BOLA1: variants seen among roughly 807,000 people sequenced by gnomAD.
BOLA1 encodes bolA family member 1.
A neutral mutation model predicts 6.6 loss-of-function variants in BOLA1; 6 were observed. The ratio of observed to expected loss-of-function variants is 0.92; its 90% CI spans 0.50 to 1.81. BOLA1 has a LOEUF of 1.81. Ranked by LOEUF, BOLA1 falls within the 40% of genes most tolerant of loss-of-function variation. The probability of loss-of-function intolerance (pLI) is 0.01; values close to 1 mark genes in which losing one functional copy is unlikely to be tolerated. For missense variants in BOLA1, 183 were observed against 186.8 expected, an observed-to-expected ratio of 0.98 and a Z score of 0.12; for synonymous variants, 87 against 85.6, an observed-to-expected ratio of 1.02 and a Z score of -0.09.
rs782315354 is a variant in BOLA1, at chr1:149,900,323, G to T, written c.264G>T (p.Leu88=). 6.2e-7 allele frequency: 1 copy of T among 1,613,456 alleles called. No homozygotes were observed. Among genetic ancestry groups the T allele is most frequent in the Non-Finnish European group, 8.5e-7 (1 of 1,179,952 alleles). Residue 88 remains leucine, a synonymous_variant, in exon 2 of 2, where the codon CTG becomes CTT. Transcript: ENST00000369152. The stretch of plus-strand genomic sequence containing the variant: ...TGAGCCCCCTACAACGACACCGGCT[G>T]GTCCACGCAGCGCTGGCCGAGGAGC... ...EGLSPLQRHR[L]VHAALAEELG... is the part of the protein sequence containing the mutation.
chr1:149,900,141 G>A lies in BOLA1; in HGVS notation c.82G>A (p.Ala28Thr). ...GTGCCAGGGCAGCGCGGGATCCGGG[G>A]CCATCGGTCCGGTGGAGGCCGCCAT... ...CLCQGSAGSG[A>T]IGPVEAAIRT... Residue 28 changes from alanine to threonine, a missense_variant, in exon 2 of 2, where the codon GCC becomes ACC. Transcript: ENST00000369152. The A allele has an allele frequency of 1.2e-5, 20 of 1,613,218 alleles. No homozygotes were observed. Among genetic ancestry groups the A allele is most frequent in the African/African-American group, 1.3e-5 (1 of 75,056 alleles).
chr1:149,900,006 C>T lies in BOLA1; in HGVS notation c.-50-4C>T. ...GGCGGGTGTTGACATTGTGCTCTCA[C>T]CAGGCGGATCGCCCCGACCCTCACT... On this transcript the variant is annotated splice_region_variant and splice_polypyrimidine_tract_variant and intron_variant, in intron 1 of 1. Coordinates refer to ENST00000369152, the MANE Select transcript of BOLA1 (RefSeq NM_016074.5). 1 of 1,526,586 alleles carries T rather than the reference C, an allele frequency of 6.6e-7. No homozygotes were observed. The allele number at this position is 1,526,586 out of a possible 1,614,324, so 94.6% of individuals were successfully genotyped here. A position where few individuals can be genotyped will look rare whatever the true frequency, so the allele number is the denominator to read the frequency against.
chr1:149,900,032 C>G lies in BOLA1; in HGVS notation c.-28C>G. ...CAGGCGGATCGCCCCGACCCTCACT[C>G]CTGGCGTCTGAGTCTCTGGCGTAGC... On this transcript the variant is annotated 5_prime_UTR_variant, in exon 2 of 2. Coordinates refer to ENST00000369152, the MANE Select transcript of BOLA1 (RefSeq NM_016074.5). 3 of 1,552,050 alleles carry G rather than the reference C, an allele frequency of 1.9e-6. No individual in the cohort carries two copies. In the South Asian group the frequency reaches 3.6e-5, roughly 19 times the overall value.
chr1:149,900,364 A>C lies in BOLA1; in HGVS notation c.305A>C (p.His102Pro). The change falls in exon 2 of 2, where the codon CAT becomes CCT. Residue 102 changes from histidine to proline, a missense_variant. By Grantham distance (77) the His-to-Pro change is moderately conservative. Transcript: ENST00000369152. ...ALAEELGGPV[H>P]ALAIQARTPA... is the part of the protein sequence containing the mutation. ...GCCGAGGAGCTGGGAGGTCCGGTCC[A>C]TGCGCTGGCCATCCAGGCACGGACC... 1 of 1,613,292 alleles carries C rather than the reference A, an allele frequency of 6.2e-7. No individual in the cohort carries two copies. The highest frequency in any genetic ancestry group is 1.1e-5 in the South Asian group (1 of 91,076).
chr1:149,900,186 GCCC>G lies in BOLA1; in HGVS notation c.128_130del (p.Ala43_Leu44delinsVal). On this transcript the variant is annotated inframe_deletion, in exon 2 of 2. Transcript: ENST00000369152. The stretch of plus-strand genomic sequence containing the variant: ...CGCCATTCGCACGAAGTTGGAGGAG[GCCC>G]TGAGCCCCGAGGTGCTAGAGCTTCG... 6.2e-7 allele frequency: 1 copy of G among 1,613,778 alleles called. No homozygotes were observed. The highest frequency in any genetic ancestry group is 8.5e-7 in the Non-Finnish European group (1 of 1,179,832).
In BOLA1 at chr1:149,900,258, C is replaced by G. The variant is rs147583028; in HGVS notation, c.199C>G (p.His67Asp). 1.2e-6 allele frequency: 2 copies of G among 1,612,774 alleles called. No homozygotes were observed. Among genetic ancestry groups the G allele is most frequent in the Non-Finnish European group, 1.7e-6 (2 of 1,179,202 alleles). ...GHAVPPGSET[H>D]FRVAVVSSRF... ...CGCGGTCCCGCCTGGCAGTGAGACT[C>G]ACTTCCGCGTGGCTGTGGTGAGCTC... Residue 67 changes from histidine (H) to aspartate (D), a missense_variant, in exon 2 of 2, where the codon CAC becomes GAC. By Grantham distance (81) the His-to-Asp change is moderately conservative (BLOSUM62 -1). Transcript: ENST00000369152.
intron 1 of BOLA1, 132 bp from the exon 2 acceptor site, chr1:149,899,877 AG>A: frequency 3.3e-6 from 2 of 608,348 alleles, no homozygotes; most frequent in Non-Finnish European, 5.3e-6. Flanking sequence ...CGTAGAGAAA[AG>A]GGGCGGTGTC....
chr1:149,899,812 C>G, intron 1 of BOLA1, 140 bp downstream of exon 1: 1 of 489,478 alleles, frequency 2.0e-6, no homozygotes, highest in East Asian at 3.2e-5. Flanking sequence ...GCGGGCCTTT[C>G]TAATCTTCGC....
chr1:149,900,705 G>A lies in BOLA1; in HGVS notation c.*232G>A. Reference sequence around the variant, plus strand: ...TGCCCTGGACTATTCAGGAAGGGCAGCCCGGATGTTCCATGTTAAATCGTG... The same window carrying A: ...TGCCCTGGACTATTCAGGAAGGGCAACCCGGATGTTCCATGTTAAATCGTG... On this transcript the variant is annotated 3_prime_UTR_variant, in exon 2 of 2. Coordinates refer to ENST00000369152, the MANE Select transcript of BOLA1 (RefSeq NM_016074.5). The A allele has an allele frequency of 2.1e-6, 1 of 468,904 alleles. No homozygotes were observed. The highest frequency in any genetic ancestry group is 3.8e-6 in the Non-Finnish European group (1 of 259,966). The allele number at this position is 468,904 out of a possible 1,614,324, so 29.0% of individuals were successfully genotyped here.
chr1:149,900,505 G>T lies in BOLA1; in HGVS notation c.*32G>T. On this transcript the variant is annotated 3_prime_UTR_variant, in exon 2 of 2. Transcript: ENST00000369152. ...AGAGAGGGAGGACCAGGATCCGAAT[G>T]GGCTGGGTGAGCACGAATTACCGAG... The T allele has an allele frequency of 6.5e-7, 1 of 1,530,318 alleles. No individual in the cohort carries two copies. Among genetic ancestry groups the T allele is most frequent in the Non-Finnish European group, 8.8e-7 (1 of 1,137,270 alleles). 94.8% of individuals were successfully genotyped at this position (1,530,318 alleles called of 1,614,324 possible). A position where few individuals can be genotyped will look rare whatever the true frequency, so the allele number is the denominator to read the frequency against.
Position 149,900,533 on chromosome 1 carries a change from C to T in BOLA1, c.*60C>T. The T allele has an allele frequency of 1.3e-6, 2 of 1,505,574 alleles. No individual in the cohort carries two copies. The highest frequency in any genetic ancestry group is 1.8e-6 in the Non-Finnish European group (2 of 1,120,966). The allele number at this position is 1,505,574 out of a possible 1,614,324, so 93.3% of individuals were successfully genotyped here. A position where few individuals can be genotyped will look rare whatever the true frequency, so the allele number is the denominator to read the frequency against. ...CTGGGTGAGCACGAATTACCGAGGC[C>T]TTCCCTTTGATACAGTCCAGGATTT... On this transcript the variant is annotated 3_prime_UTR_variant, in exon 2 of 2. Coordinates refer to ENST00000369152, the MANE Select transcript of BOLA1 (RefSeq NM_016074.5).
At position 149,900,765 on chromosome 1, in the gene BOLA1, A is replaced by C; in HGVS notation, c.*292A>C. Reference sequence around the variant, plus strand: ...CACCAGACCTGATGAGTTGGAAACAATCCTATACATTAAAAGAAATTACAC... The same window carrying C: ...CACCAGACCTGATGAGTTGGAAACACTCCTATACATTAAAAGAAATTACAC... On this transcript the variant is annotated 3_prime_UTR_variant, in exon 2 of 2. Coordinates refer to ENST00000369152, the MANE Select transcript of BOLA1 (RefSeq NM_016074.5). 2 of 342,086 alleles carry C rather than the reference A, an allele frequency of 5.8e-6. No individual in the cohort carries two copies. Among genetic ancestry groups the C allele is most frequent in the Non-Finnish European group, 1.1e-5 (2 of 185,910 alleles). 21.2% of individuals were successfully genotyped at this position (342,086 alleles called of 1,614,324 possible). A position where few individuals can be genotyped will look rare whatever the true frequency, so the allele number is the denominator to read the frequency against.
In BOLA1 at chr1:149,900,596, G is replaced by T; in HGVS notation, c.*123G>T. The T allele has an allele frequency of 9.1e-7, 1 of 1,094,730 alleles. No individual in the cohort carries two copies. The highest frequency in any genetic ancestry group is 1.3e-6 in the Non-Finnish European group (1 of 775,658). The allele number at this position is 1,094,730 out of a possible 1,614,324, so 67.8% of individuals were successfully genotyped here. On this transcript the variant is annotated 3_prime_UTR_variant, in exon 2 of 2. Transcript: ENST00000369152. ...GACCCCTGGGCCCCATTCTGTTGGG[G>T]TCCATACATACTCTCCGAAGATAGC...
intron 1 of BOLA1, 114 bp downstream of exon 1, chr1:149,899,786 C>T (rs1314610679): frequency 2.2e-6 from 1 of 455,546 alleles, no homozygotes; most frequent in Non-Finnish European, 3.9e-6. Flanking sequence ...CCCTAAGGAA[C>T]GAACGCGCCT....
rs2092381946 is a variant in BOLA1, at chr1:149,899,998, T to C, written c.-50-12T>C. The stretch of plus-strand genomic sequence containing the variant: ...GATCGCGGGGCGGGTGTTGACATTG[T>C]GCTCTCACCAGGCGGATCGCCCCGA... On this transcript the variant is annotated splice_polypyrimidine_tract_variant and intron_variant, in intron 1 of 1. Transcript: ENST00000369152. 1.4e-5 allele frequency: 21 copies of C among 1,514,036 alleles called. No homozygotes were observed. The highest frequency in any genetic ancestry group is 1.8e-5 in the Non-Finnish European group (20 of 1,131,756). The allele number at this position is 1,514,036 out of a possible 1,614,324, so 93.8% of individuals were successfully genotyped here.
chr1:149,900,584 C>T lies in BOLA1; in HGVS notation c.*111C>T. 2 of 1,245,718 alleles carry T rather than the reference C, an allele frequency of 1.6e-6. No individual in the cohort carries two copies. Among genetic ancestry groups the T allele is most frequent in the Non-Finnish European group, 2.2e-6 (2 of 905,746 alleles). 77.2% of individuals were successfully genotyped at this position (1,245,718 alleles called of 1,614,324 possible). A position where few individuals can be genotyped will look rare whatever the true frequency, so the allele number is the denominator to read the frequency against. ...GTAAGGGATGAAGACCCCTGGGCCC[C>T]ATTCTGTTGGGGTCCATACATACTC... is the stretch of plus-strand genomic sequence containing the variant. On this transcript the variant is annotated 3_prime_UTR_variant, in exon 2 of 2. Transcript: ENST00000369152.
intron 1 of BOLA1, 123 bp downstream of exon 1, chr1:149,899,795 CT>C (rs2092380210): frequency 2.1e-6 from 1 of 465,566 alleles, no homozygotes; most frequent in African/African-American, 2.0e-5. Flanking sequence ...ACGAACGCGC[CT>C]CGCGTGCGGG....
At position 149,900,532 on chromosome 1, in the gene BOLA1, C is replaced by T. The variant is rs2092388202; in HGVS notation, c.*59C>T. 6.6e-7 allele frequency: 1 copy of T among 1,505,878 alleles called. No homozygotes were observed. The highest frequency in any genetic ancestry group is 1.3e-5 in the South Asian group (1 of 75,884). 93.3% of individuals were successfully genotyped at this position (1,505,878 alleles called of 1,614,324 possible). A position where few individuals can be genotyped will look rare whatever the true frequency, so the allele number is the denominator to read the frequency against. Reference sequence around the variant, plus strand: ...GCTGGGTGAGCACGAATTACCGAGGCCTTCCCTTTGATACAGTCCAGGATT... The same window carrying T: ...GCTGGGTGAGCACGAATTACCGAGGTCTTCCCTTTGATACAGTCCAGGATT... On this transcript the variant is annotated 3_prime_UTR_variant, in exon 2 of 2. Transcript: ENST00000369152.
In BOLA1 at chr1:149,900,758, G is replaced by C; in HGVS notation, c.*285G>C. On this transcript the variant is annotated 3_prime_UTR_variant, in exon 2 of 2. Transcript: ENST00000369152. ...AGAATTGCACCAGACCTGATGAGTT[G>C]GAAACAATCCTATACATTAAAAGAA... is the stretch of plus-strand genomic sequence containing the variant. The C allele has an allele frequency of 2.6e-6, 1 of 379,122 alleles. No homozygotes were observed. The highest frequency in any genetic ancestry group is 4.8e-6 in the Non-Finnish European group (1 of 207,542). The allele number at this position is 379,122 out of a possible 1,614,324, so 23.5% of individuals were successfully genotyped here. A position where few individuals can be genotyped will look rare whatever the true frequency, so the allele number is the denominator to read the frequency against.
Sources: allele counts gnomAD v4.1 joint callset, GRCh38; gene constraint gnomAD v4.1.1; transcripts MANE v1.5; gene names NCBI Gene and HGNC (gene_info 2026-07-23, HGNC 2026-07-21).